The following WDPCP variants were observed in gnomAD, a reference collection of about 807,000 sequenced individuals.
WDPCP encodes WD repeat-containing and planar cell polarity effector protein fritz homolog.
WDPCP carries 71 observed loss-of-function variants against 93.1 expected under a neutral mutation model. That is an observed-to-expected ratio of 0.76 (90% CI 0.63 to 0.93). The LOEUF (loss-of-function observed/expected upper bound fraction) is 0.93, where lower values mean the gene tolerates loss of function less well. WDPCP is among the 40% of genes least tolerant of loss of function. The probability of loss-of-function intolerance (pLI) is 0.00; values close to 1 mark genes in which losing one functional copy is unlikely to be tolerated. For synonymous variants in WDPCP, 315 were observed against 315.0 expected, an observed-to-expected ratio of 1.00 and a Z score of 0.00; for missense variants, 844 against 887.4, an observed-to-expected ratio of 0.95 and a Z score of 0.62.
At chr2:63,317,169 T>C (rs1215951193) in intron 12 of WDPCP, among the ~76,000 whole-genome samples, 1 of 152,012 alleles carries the variant, frequency 6.6e-6, no homozygotes, top group Non-Finnish European at 1.5e-5. Flanking sequence ...TTCACAGAAC[T>C]AGAAAAACCT....
intron 17 of WDPCP, among the ~76,000 whole-genome samples, chr2:63,146,401 AGC>A (rs1483768756): frequency 7.4e-6 from 1 of 135,074 alleles, no homozygotes; most frequent in Non-Finnish European, 1.6e-5. Flanking sequence ...GTTTATTGAG[AGC>A]GTGTTTTTTT....
At chr2:63,445,690 G>A (rs987920010) in intron 6 of WDPCP, among the ~76,000 whole-genome samples, 4 of 152,024 alleles carry the variant, frequency 2.6e-5, no homozygotes, top group Admixed American at 6.5e-5. Flanking sequence ...GGTAAAGGGA[G>A]GCATCTCAAA....
chr2:63,141,814 TG>T (rs1671079436), intron 17 of WDPCP, among the ~76,000 whole-genome samples: 1 of 152,084 alleles, frequency 6.6e-6, no homozygotes, highest in Non-Finnish European at 1.5e-5. Context: ...TCTCGCTGCT[TG>T]TTATTGGTCT....
chr2:63,807,025 G>A (rs377615144), intron 2 of WDPCP, among the ~76,000 whole-genome samples: 1 of 152,134 alleles, frequency 6.6e-6, no homozygotes, highest in African/African-American at 2.4e-5. Context: ...AATCACAAGG[G>A]TATTGATTGG....
intron 14 of WDPCP, among the ~76,000 whole-genome samples, chr2:63,221,980 T>C (rs1403168575): frequency 6.6e-6 from 1 of 152,104 alleles, no homozygotes; most frequent in Non-Finnish European, 1.5e-5. Context: ...CATTCTGGGT[T>C]GGATCCTTTC....
chr2:63,691,605 A>G (rs1490759007), intron 2 of WDPCP, among the ~76,000 whole-genome samples: 1 of 152,174 alleles, frequency 6.6e-6, no homozygotes, highest in African/African-American at 2.4e-5. Context: ...ACTGCATTCC[A>G]GCCTGGGCAA....
intron 14 of WDPCP, among the ~76,000 whole-genome samples, chr2:63,208,262 T>G (rs1195554858): frequency 6.6e-6 from 1 of 152,212 alleles, no homozygotes; most frequent in Non-Finnish European, 1.5e-5. Flanking sequence ...GTATGAGATG[T>G]GATTGCAACC....
intron 13 of WDPCP, among the ~76,000 whole-genome samples, chr2:63,267,405 ACTC>A (rs569820630): frequency 5.9e-4 from 89 of 152,072 alleles, no homozygotes; most frequent in Non-Finnish European, 9.4e-4. Context: ...GGAGGGAAAA[ACTC>A]CTCAACATTT....
chr2:63,363,760 A>G (rs1426861323), intron 12 of WDPCP, among the ~76,000 whole-genome samples: 1 of 152,118 alleles, frequency 6.6e-6, no homozygotes, highest in African/African-American at 2.4e-5. Flanking sequence ...CTACTTAATG[A>G]CTTTTAAACA....
At chr2:63,514,055 G>A (rs1047187047) in intron 1 of WDPCP, among the ~76,000 whole-genome samples, 4 of 152,116 alleles carry the variant, frequency 2.6e-5, no homozygotes, top group Middle Eastern at 3.4e-3. Context: ...GAAGGTAATC[G>A]GTTAAAAATT....
At chr2:63,425,431 C>T (rs1314794606) in intron 9 of WDPCP, among the ~76,000 whole-genome samples, 1 of 152,170 alleles carries the variant, frequency 6.6e-6, no homozygotes, top group African/African-American at 2.4e-5. Context: ...GGCAATGAAG[C>T]TCATCAAGAT....
intron 13 of WDPCP, among the ~76,000 whole-genome samples, chr2:63,269,563 T>C (rs890771752): frequency 6.6e-6 from 1 of 152,178 alleles, no homozygotes; most frequent in Non-Finnish European, 1.5e-5. Context: ...GCTAAAAAAA[T>C]CTTGAATGGA....
intron 14 of WDPCP, among the ~76,000 whole-genome samples, chr2:63,239,439 A>G (rs1270411933): frequency 1.3e-5 from 2 of 152,198 alleles, no homozygotes; most frequent in Non-Finnish European, 2.9e-5. Context: ...GTAAAATGGT[A>G]AAAACAGGTG....
chr2:63,166,279 C>A (rs1052199303), intron 15 of WDPCP, among the ~76,000 whole-genome samples: 2 of 152,020 alleles, frequency 1.3e-5, no homozygotes, highest in African/African-American at 4.8e-5. Context: ...GTTGGCCAGG[C>A]TGGTCTCAAA....
chr2:63,720,776 G>C (rs1669404304), intron 2 of WDPCP, among the ~76,000 whole-genome samples: 1 of 152,196 alleles, frequency 6.6e-6, no homozygotes, highest in Non-Finnish European at 1.5e-5. Flanking sequence ...TCCCATGGCA[G>C]TTAAACAGAA....
At chr2:63,372,201 T>C (rs1228159408) in intron 12 of WDPCP, among the ~76,000 whole-genome samples, 1 of 152,166 alleles carries the variant, frequency 6.6e-6, no homozygotes, top group Non-Finnish European at 1.5e-5. Flanking sequence ...ATTTGGGTCA[T>C]GAGGGTGGAT....
chr2:63,612,292 T>C (rs929801023), intron 3 of WDPCP, among the ~76,000 whole-genome samples: 1 of 152,204 alleles, frequency 6.6e-6, no homozygotes, highest in African/African-American at 2.4e-5. Context: ...AAAATGTTTT[T>C]GTGAGGATTA....
intron 9 of WDPCP, among the ~76,000 whole-genome samples, chr2:63,424,212 T>C (rs1346764921): frequency 1.5e-5 from 2 of 130,474 alleles, no homozygotes; most frequent in Non-Finnish European, 3.1e-5. Flanking sequence ...AGACAAAGCT[T>C]CAGCCAGCAT....
chr2:63,798,523 T>C (rs777380792), intron 2 of WDPCP, among the ~76,000 whole-genome samples: 2 of 152,144 alleles, frequency 1.3e-5, no homozygotes, highest in East Asian at 1.9e-4. Context: ...AATTATAAGA[T>C]AGTATTTTCA....
Sources: gnomAD v4.1 joint callset for allele counts (sites outside exome capture counted in the v4.1 genomes callset) on GRCh38, gnomAD v4.1.1 for gene constraint, MANE v1.5 for transcripts, NCBI Gene and HGNC (gene_info 2026-07-23, HGNC 2026-07-21) for gene names.